DLC1: variants seen among roughly 807,000 people sequenced by gnomAD.
DLC1 encodes the protein rho GTPase-activating protein 7.
In DLC1, 54 loss-of-function variants were observed where a neutral mutation model predicts 140.3. That is an observed-to-expected ratio of 0.38 (90% confidence interval 0.31 to 0.48). The LOEUF is 0.48. DLC1 is among the 20% of genes least tolerant of loss of function. The pLI is 0.96. For missense variants in DLC1, 2,536 were observed against 1,907.0 expected (o/e 1.33, Z -6.14); for synonymous variants, 986 against 728.1 (o/e 1.35, Z -5.70).
At chr8:13,369,347 G>T (rs1194902473) in intron 4 of DLC1, among the ~76,000 whole-genome samples, 4 of 124,326 alleles carry the variant, frequency 3.2e-5, no homozygotes, top group Admixed American at 1.7e-4. Flanking sequence ...AGTATTTTTG[G>T]CTGGGTCGAA....
At chr8:13,182,346 TG>T (rs1826092598) in intron 5 of DLC1, among the ~76,000 whole-genome samples, 1 of 152,210 alleles carries the variant, frequency 6.6e-6, no homozygotes, top group Non-Finnish European at 1.5e-5. Context: ...TTGTCTATTT[TG>T]GCTTTTGTTG....
intron 1 of DLC1, among the ~76,000 whole-genome samples, chr8:13,547,398 T>C (rs1359018158): frequency 5.3e-5 from 8 of 152,042 alleles, no homozygotes; most frequent in Admixed American, 1.3e-4. Flanking sequence ...ATATCACGAA[T>C]CACATTTAAT....
At chr8:13,599,594 C>A (rs189775558) in intron 1 of DLC1, among the ~76,000 whole-genome samples, 3 of 151,954 alleles carry the variant, frequency 2.0e-5, no homozygotes, top group African/African-American at 7.2e-5. Context: ...AAATAAACTA[C>A]GGAAGTTGAA....
Position 13,499,007 on chromosome 8 carries a change from T to C in DLC1, c.1023+42A>G, listed in dbSNP as rs1801643259. The C allele has an allele frequency of 2.0e-6, 3 of 1,532,736 alleles. No homozygotes were observed. The East Asian group carries it at 6.8e-5, about 35-fold the overall frequency. 94.9% of individuals were successfully genotyped at this position (1,532,736 alleles called of 1,614,324 possible). ...GATAACTGATAAATCCAAGGATATT[T>C]ACAAAATTTCAAAAGCCAGAGAATC... On this transcript the variant is annotated intron_variant, in intron 2 of 17. Coordinates refer to ENST00000276297, the MANE Select transcript of DLC1 (RefSeq NM_182643.3).
intron 5 of DLC1, among the ~76,000 whole-genome samples, chr8:13,221,722 G>GTATATATATA (rs372189535): frequency 1.4e-4 from 19 of 131,324 alleles, no homozygotes; most frequent in South Asian, 4.7e-4. Context: ...ATGTGTGTGT[G>GTATATATATA]TGTGTATATA....
At chr8:13,482,377 T>C (rs781008320) in intron 2 of DLC1, among the ~76,000 whole-genome samples, 1 of 151,398 alleles carries the variant, frequency 6.6e-6, no homozygotes, top group South Asian at 2.1e-4. Context: ...TTTTATAATT[T>C]CTTTTGCCAT....
At chr8:13,293,567 C>T (rs1172085065) in intron 5 of DLC1, among the ~76,000 whole-genome samples, 1 of 152,228 alleles carries the variant, frequency 6.6e-6, no homozygotes, top group Non-Finnish European at 1.5e-5. Context: ...AGCACCTCCT[C>T]TGTGCAAGAT....
At chr8:13,519,350 G>C (rs1214771965), upstream of DLC1, among the ~76,000 whole-genome samples, 1 of 152,004 alleles carries the variant, frequency 6.6e-6, no homozygotes, top group Non-Finnish European at 1.5e-5. Flanking sequence ...GGATGGTCTC[G>C]AGCTCCTGGC....
In DLC1 at chr8:13,149,977, C is replaced by T. The variant is rs112847190; in HGVS notation, c.1349-34320G>A. Among the ~76,000 whole-genome samples, 278 of 152,306 alleles carry T rather than the reference C, an allele frequency of 1.8e-3. 1 individual carries two copies. Among genetic ancestry groups the T allele is most frequent in the African/African-American group, 6.3e-3 (263 of 41,562 alleles). On this transcript the variant is annotated intron_variant, in intron 5 of 17. Coordinates refer to ENST00000276297, the MANE Select transcript of DLC1 (RefSeq NM_182643.3). ...GAAATCTTCTCAAGGAAATAATAGGCGTTTCTCAAGATCTGTCAGCTCTGG... is the reference window on the plus strand; with the variant it reads ...GAAATCTTCTCAAGGAAATAATAGGTGTTTCTCAAGATCTGTCAGCTCTGG...
chr8:13,568,618 C>G (rs1005409255), intron 1 of DLC1, among the ~76,000 whole-genome samples: 2 of 152,052 alleles, frequency 1.3e-5, no homozygotes, highest in Admixed American at 1.3e-4. Flanking sequence ...TTGATACAAA[C>G]TCTTGAGAAA....
intron 2 of DLC1, among the ~76,000 whole-genome samples, chr8:13,477,929 TA>T (rs1800510930): frequency 6.6e-6 from 1 of 152,080 alleles, no homozygotes; most frequent in Non-Finnish European, 1.5e-5. Flanking sequence ...AATAACATAT[TA>T]AAAAACCTCT....
At chr8:13,158,655 CTGCTTTTCTTCCAG>C (rs1824430258) in intron 5 of DLC1, among the ~76,000 whole-genome samples, 1 of 149,936 alleles carries the variant, frequency 6.7e-6, no homozygotes, top group South Asian at 2.1e-4. Context: ...AGATCTAGCC[CTGCTTTTCTTCCAG>C]TGCTTTTCAT....
chr8:13,460,124 A>G (rs1291709310), intron 2 of DLC1, among the ~76,000 whole-genome samples: 5 of 152,208 alleles, frequency 3.3e-5, no homozygotes, highest in Admixed American at 2.6e-4. Flanking sequence ...AGAATGGTTG[A>G]GCACATGAGC....
At chr8:13,431,137 T>C (rs114624432) in intron 2 of DLC1, among the ~76,000 whole-genome samples, 2,739 of 152,114 alleles carry the variant, frequency 0.018, 88 homozygotes, top group African/African-American at 0.063. Flanking sequence ...AGAAAATGTA[T>C]TGGTGACATA....
chr8:13,423,579 G>A (rs1381033614), intron 2 of DLC1, among the ~76,000 whole-genome samples: 1 of 152,106 alleles, frequency 6.6e-6, no homozygotes, highest in African/African-American at 2.4e-5. Context: ...GTACTAAGGA[G>A]TATTAATACT....
At chr8:13,237,611 C>T (rs1829347688) in intron 5 of DLC1, among the ~76,000 whole-genome samples, 1 of 152,050 alleles carries the variant, frequency 6.6e-6, no homozygotes, top group South Asian at 2.1e-4. Context: ...CCTCAGCCCC[C>T]TCCCTACCTC....
Position 13,423,699 on chromosome 8 carries a change from T to A in DLC1, c.1024-22080A>T, listed in dbSNP as rs148708691. Reference sequence around the variant, plus strand: ...AATTTGATAAAATTCTTATTTACATTTTATTCAACCACAGATGTTTACTGA... The same window carrying A: ...AATTTGATAAAATTCTTATTTACATATTATTCAACCACAGATGTTTACTGA... On this transcript the variant is annotated intron_variant, in intron 2 of 17. Coordinates refer to ENST00000276297, the MANE Select transcript of DLC1 (RefSeq NM_182643.3). Among the ~76,000 whole-genome samples the A allele has an allele frequency of 1.8e-3, 270 of 152,274 alleles. 1 individual carries two copies. The highest frequency in any genetic ancestry group is 6.3e-3 in the African/African-American group (262 of 41,580).
intron 4 of DLC1, chr8:13,342,859 T>TC (rs58284263): frequency 0.33 from 49,500 of 151,132 alleles, 8,379 homozygotes; most frequent in African/African-American, 0.34. Context: ...TCTCTCTCTC[T>TC]TTGCGTCCAA....
At chr8:13,584,871 T>G (rs1207871945) in intron 1 of DLC1, among the ~76,000 whole-genome samples, 1 of 152,182 alleles carries the variant, frequency 6.6e-6, no homozygotes, top group African/African-American at 2.4e-5. Flanking sequence ...AACCACATTA[T>G]AATCTGAAAC....
Sources: allele counts gnomAD v4.1 joint callset (sites outside exome capture counted in the v4.1 genomes callset), GRCh38; gene constraint gnomAD v4.1.1; transcripts MANE v1.5; gene names NCBI Gene and HGNC (gene_info 2026-07-23, HGNC 2026-07-21).